Variants in ZNF530 observed in about 807,000 individuals in gnomAD.
The protein encoded by ZNF530 is zinc finger protein 530.
ZNF530 carries 5 observed loss-of-function variants against 2.8 expected under a neutral mutation model. The observed-to-expected ratio is 1.80, with a 90% CI of 0.94 to 3.78. The LOEUF is 3.78. Ranked by LOEUF, ZNF530 falls within the 30% of genes most tolerant of loss-of-function variation. The pLI is 0.00. For synonymous variants in ZNF530, 229 were observed against 235.0 expected (o/e 0.97, Z 0.23); for missense variants, 619 against 673.3 (o/e 0.92, Z 0.89).
intron 2 of ZNF530, among the ~76,000 whole-genome samples, chr19:57,601,558 A>G (rs1266821718): frequency 2.6e-5 from 4 of 152,238 alleles, no homozygotes. Context: ...GTAAGTAGCT[A>G]TATCAAGTGG....
rs1980731200 is a variant in ZNF530 at position 57,608,802 on chromosome 19, C to A, written c.*1477C>A. ...ATGGACTGTTCCTCATATAAAGTTTCATCCGGCCGGGCGCAGTGGCTCACA... is the reference window on the plus strand; with the variant it reads ...ATGGACTGTTCCTCATATAAAGTTTAATCCGGCCGGGCGCAGTGGCTCACA... On this transcript the variant is annotated 3_prime_UTR_variant, in exon 4 of 4. Transcript: ENST00000597700. 6.6e-6 allele frequency: 1 copy of A among 152,122 alleles called. No individual in the cohort carries two copies. Among genetic ancestry groups the A allele is most frequent in the Admixed American group, 6.6e-5 (1 of 15,262 alleles). The allele number at this position is 152,122 out of a possible 1,614,324, so 9.4% of individuals were successfully genotyped here.
At position 57,599,910 on chromosome 19, in the gene ZNF530, C is replaced by G. The variant is rs565501880; in HGVS notation, c.-346C>G. The G allele has an allele frequency of 5.6e-6, 3 of 539,684 alleles. No individual in the cohort carries two copies. The South Asian group carries it at 9.2e-5, about 16-fold the overall frequency. 33.4% of individuals were successfully genotyped at this position (539,684 alleles called of 1,614,324 possible). On this transcript the variant is annotated 5_prime_UTR_variant, in exon 1 of 4. Transcript: ENST00000597700. ...GGAACTTCCGGCGTCCTCCCTGTGG[C>G]GGGCACTTTGGCTTGTGTCAGTTCC...
chr19:57,602,984 A>G (rs372633036), intron 2 of ZNF530, among the ~76,000 whole-genome samples: 7 of 152,268 alleles, frequency 4.6e-5, no homozygotes, highest in Admixed American at 2.6e-4. Context: ...TCCACCTCCC[A>G]GACTCAAGGG....
Position 57,608,349 on chromosome 19 carries a change from A to C in ZNF530, c.*1024A>C, listed in dbSNP as rs943619621. 6.6e-6 allele frequency: 1 copy of C among 152,160 alleles called. No homozygotes were observed. The highest frequency in any genetic ancestry group is 1.9e-4 in the East Asian group (1 of 5,194). 9.4% of individuals were successfully genotyped at this position (152,160 alleles called of 1,614,324 possible). On this transcript the variant is annotated 3_prime_UTR_variant, in exon 4 of 4. Transcript: ENST00000597700. ...CTGTCAGCTTAAAAGGGTATATAAC[A>C]TTTGTGGGGATTCAAATTTTGTTTG...
chr19:57,604,508 A>G, intron 3 of ZNF530, 102 bp downstream of exon 3: 1 of 1,463,600 alleles, frequency 6.8e-7, no homozygotes, highest in South Asian at 1.4e-5. Flanking sequence ...TGAGCTCTAC[A>G]GACCTTCCCA....
chr19:57,612,635 C>A, downstream of ZNF530: 1 of 397,314 alleles, frequency 2.5e-6, no homozygotes, highest in South Asian at 1.3e-4. Flanking sequence ...AAGCTATGAT[C>A]GTGCCACTAC....
downstream of ZNF530, among the ~76,000 whole-genome samples, chr19:57,611,498 G>T (rs541072619): frequency 1.3e-4 from 20 of 152,220 alleles, no homozygotes; most frequent in African/African-American, 4.3e-4. Flanking sequence ...TTTGTTTACT[G>T]AAGTCATACA....
At chr19:57,605,533 G>T in intron 3 of ZNF530, 153 bp from the exon 4 acceptor site, 2 of 689,506 alleles carry the variant, frequency 2.9e-6, no homozygotes, top group Non-Finnish European at 4.7e-6. Context: ...GGCCTCCCTT[G>T]TTCTGTGACT....
rs765939335 is a variant in ZNF530 at position 57,604,291 on chromosome 19, C to T, written c.-55C>T. 1.9e-6 allele frequency: 3 copies of T among 1,614,052 alleles called. No individual in the cohort carries two copies. Among genetic ancestry groups the T allele is most frequent in the Middle Eastern group, 1.7e-4 (1 of 6,060 alleles). ...CCCCATCATAGCAGGTTTTTGTAGC[C>T]TTTGAGGATGTGGCCATTTACTTCT... On this transcript the variant is annotated 5_prime_UTR_variant, in exon 3 of 4. Transcript: ENST00000597700.
At position 57,607,115 on chromosome 19, in the gene ZNF530, A is replaced by G; in HGVS notation, c.1491A>G (p.Gln497=). Reference sequence around the variant, plus strand: ...ATGAATGTGGGAAATCCTATAGCCAAAGCTCTGCCCTCCTTCAGCATAGGA... The same window carrying G: ...ATGAATGTGGGAAATCCTATAGCCAGAGCTCTGCCCTCCTTCAGCATAGGA... ...ECDECGKSYS[Q]SSALLQHRRV... Residue 497 remains glutamine (Q), a synonymous_variant, in exon 4 of 4, where the codon CAA becomes CAG. Coordinates refer to ENST00000597700, the MANE Select transcript of ZNF530 (RefSeq NM_001321981.2). 1 of 1,611,480 alleles carries G rather than the reference A, an allele frequency of 6.2e-7. No homozygotes were observed. The highest frequency in any genetic ancestry group is 8.5e-7 in the Non-Finnish European group (1 of 1,179,254).
In ZNF530 at chr19:57,607,445, A is replaced by G. The variant is rs1980646473; in HGVS notation, c.*120A>G. The G allele has an allele frequency of 4.0e-6, 4 of 1,005,206 alleles. No homozygotes were observed. The Admixed American group carries it at 1.1e-4, about 28-fold the overall frequency. 62.3% of individuals were successfully genotyped at this position (1,005,206 alleles called of 1,614,324 possible). A position where few individuals can be genotyped will look rare whatever the true frequency, so the allele number is the denominator to read the frequency against. ...CTGCAACCTCCGCCTCCTGGGATCA[A>G]GTGATTCTCCTGCCACAGCCTCCTG... On this transcript the variant is annotated 3_prime_UTR_variant, in exon 4 of 4. Coordinates refer to ENST00000597700, the MANE Select transcript of ZNF530 (RefSeq NM_001321981.2).
chr19:57,610,910 A>T (rs550411658), downstream of ZNF530, among the ~76,000 whole-genome samples: 5 of 152,000 alleles, frequency 3.3e-5, no homozygotes, highest in Non-Finnish European at 2.9e-5. Flanking sequence ...CCACCCTCTC[A>T]TTAAGGAAGC....
At position 57,606,281 on chromosome 19, in the gene ZNF530, TG is replaced by T; in HGVS notation, c.659del (p.Gly220AlafsTer30). 1 of 1,614,186 alleles carries T rather than the reference TG, an allele frequency of 6.2e-7. No homozygotes were observed. Among genetic ancestry groups the T allele is most frequent in the African/African-American group, 1.3e-5 (1 of 75,030 alleles). On this transcript the variant is annotated frameshift_variant, in exon 4 of 4. Transcript: ENST00000597700. LOFTEE classifies it low-confidence loss of function (END_TRUNC). ...GTGGGAAATCCTTTAGTCAAAGTTC[TG>T]GCTTTCTTCGACACAGGAAAGCACA... ...ECGKSFSQSS[G>X]FLRHRKAHGR...
rs1176458711 is a variant in ZNF530, at chr19:57,607,149, A to G, written c.1525A>G (p.Thr509Ala). ...SALLQHRRVHTGERPYECREC... is the reference protein window; with the variant it reads ...SALLQHRRVHAGERPYECREC... The stretch of plus-strand genomic sequence containing the variant: ...CCTCCTTCAGCATAGGAGAGTTCAC[A>G]CTGGAGAAAGGCCTTATGAGTGCAG... The change falls in exon 4 of 4, where the codon ACT becomes GCT. Residue 509 changes from threonine to alanine, a missense_variant. By Grantham distance (58) the Thr-to-Ala change is moderately conservative. Transcript: ENST00000597700. The G allele has an allele frequency of 4.3e-6, 7 of 1,614,148 alleles. No homozygotes were observed. The highest frequency in any genetic ancestry group is 5.9e-6 in the Non-Finnish European group (7 of 1,180,032).
At position 57,606,603 on chromosome 19, in the gene ZNF530, T is replaced by A; in HGVS notation, c.979T>A (p.Phe327Ile). ...TGAGTGCAGTGAATGTGGAAAATCC[T>A]TTAGCCATAGCACTAACCTCTTTCG... ...PYECSECGKS[F>I]SHSTNLFRHW... The change falls in exon 4 of 4, where the codon TTT becomes ATT. Residue 327 changes from phenylalanine to isoleucine, a missense_variant. Phe to Ile is a conservative substitution (Grantham distance 21). Coordinates refer to ENST00000597700, the MANE Select transcript of ZNF530 (RefSeq NM_001321981.2). The A allele has an allele frequency of 1.2e-6, 2 of 1,614,154 alleles. No homozygotes were observed.
At chr19:57,601,652 G>C (rs1310958497) in intron 2 of ZNF530, among the ~76,000 whole-genome samples, 1 of 152,186 alleles carries the variant, frequency 6.6e-6, no homozygotes, top group Non-Finnish European at 1.5e-5. Flanking sequence ...TATTGAACTA[G>C]GATGGAGCCC....
chr19:57,604,552 C>A, intron 3 of ZNF530, 146 bp downstream of exon 3: 2 of 1,082,522 alleles, frequency 1.8e-6, no homozygotes, highest in Non-Finnish European at 2.7e-6. Context: ...GGGACATCGC[C>A]AAGCAAGGCA....
At position 57,607,331 on chromosome 19, in the gene ZNF530, G is replaced by A. The variant is rs1157385499; in HGVS notation, c.*6G>A. On this transcript the variant is annotated 3_prime_UTR_variant, in exon 4 of 4. Coordinates refer to ENST00000597700, the MANE Select transcript of ZNF530 (RefSeq NM_001321981.2). ...GAAGAGTTCATGTGCAGTGAATGTGGGAAATTATTTTGTCACTTTTTTTTT... is the reference window on the plus strand; with the variant it reads ...GAAGAGTTCATGTGCAGTGAATGTGAGAAATTATTTTGTCACTTTTTTTTT... The A allele has an allele frequency of 6.4e-7, 1 of 1,561,206 alleles. No individual in the cohort carries two copies.
intron 1 of ZNF530, 150 bp downstream of exon 1, chr19:57,600,284 G>C: frequency 1.9e-6 from 2 of 1,068,514 alleles, no homozygotes; most frequent in South Asian, 4.5e-5. Flanking sequence ...GGGAGCGGGA[G>C]AGCGACACGG....
Sources: gnomAD v4.1 joint callset for allele counts (sites outside exome capture counted in the v4.1 genomes callset) on GRCh38, gnomAD v4.1.1 for gene constraint, MANE v1.5 for transcripts, NCBI Gene and HGNC (gene_info 2026-07-23, HGNC 2026-07-21) for gene names.